The following PLEKHA1 variants were observed in gnomAD, a reference collection of about 807,000 sequenced individuals.
PLEKHA1 encodes the protein pleckstrin homology domain-containing family A member 1.
A neutral mutation model predicts 52.0 loss-of-function variants in PLEKHA1; 34 were observed. The observed-to-expected ratio is 0.65, with a 90% confidence interval of 0.50 to 0.87. The LOEUF is 0.87. Ranked by LOEUF, PLEKHA1 falls within the 40% of genes least tolerant of loss-of-function variation. PLEKHA1 has a pLI of 0.00. For missense variants in PLEKHA1, 497 were observed against 504.2 expected, an observed-to-expected ratio of 0.99 and a Z score of 0.14; for synonymous variants, 163 against 170.7, an observed-to-expected ratio of 0.95 and a Z score of 0.35.
At chr10:122,422,866 G>A (rs1241191718) in intron 8 of PLEKHA1, 1 of 152,022 alleles carries the variant, frequency 6.6e-6, no homozygotes, top group African/African-American at 2.4e-5. Flanking sequence ...GTTTAGTAAA[G>A]GTACATCATA....
In PLEKHA1 at chr10:122,374,733, A is replaced by T. The variant is rs995637795; in HGVS notation, c.-94A>T. ...GCAGTGCGCGGGCTGGCCGTCGCGG[A>T]CGCCGCTCCGGGCAGCCGAGCCTCT... On this transcript the variant is annotated 5_prime_UTR_variant, in exon 1 of 12. Transcript: ENST00000368990. 5 of 151,536 alleles carry T rather than the reference A, an allele frequency of 3.3e-5. No homozygotes were observed. The highest frequency in any genetic ancestry group is 1.2e-4 in the African/African-American group (5 of 41,250). The allele number at this position is 151,536 out of a possible 1,614,324, so 9.4% of individuals were successfully genotyped here.
intron 5 of PLEKHA1, among the ~76,000 whole-genome samples, chr10:122,409,360 G>A (rs989990285): frequency 3.3e-5 from 5 of 152,166 alleles, no homozygotes; most frequent in African/African-American, 9.7e-5. Flanking sequence ...AATCAGCCCC[G>A]AAGGGGGAGT....
intron 10 of PLEKHA1, among the ~76,000 whole-genome samples, chr10:122,426,709 C>CG (rs1220329142): frequency 3.3e-5 from 5 of 152,178 alleles, no homozygotes; most frequent in Non-Finnish European, 4.4e-5. Flanking sequence ...TCATTATTGA[C>CG]GCCTGTTGAT....
the PLEKHA1 span, chr10:122,439,763 T>G: frequency 3.9e-5 from 6 of 152,096 alleles, no homozygotes; most frequent in Admixed American, 6.6e-5. Context: ...GTTGGTATTC[T>G]ATACTCCTTA....
In PLEKHA1 at chr10:122,406,677, A is replaced by C. The variant is rs2097020531; in HGVS notation, c.342+4A>C. ...AAACAAAGCTATAAAAATTACAGTA[A>C]GTATATGTATTTTTTTGAAAAACGT... is the stretch of plus-strand genomic sequence containing the variant. On this transcript the variant is annotated splice_donor_region_variant and intron_variant, in intron 5 of 11. Transcript: ENST00000368990. The C allele has an allele frequency of 6.3e-7, 1 of 1,586,788 alleles. No homozygotes were observed. Among genetic ancestry groups the C allele is most frequent in the Non-Finnish European group, 8.6e-7 (1 of 1,157,060 alleles).
At chr10:122,398,068 A>G (rs2096875135) in intron 3 of PLEKHA1, 94 bp downstream of exon 3, 2 of 985,904 alleles carry the variant, frequency 2.0e-6, no homozygotes, top group Non-Finnish European at 3.1e-6. Flanking sequence ...CATGTCCTTT[A>G]ACAGTGATGT....
At chr10:122,376,033 C>T (rs1227207336) in intron 1 of PLEKHA1, among the ~76,000 whole-genome samples, 3 of 152,050 alleles carry the variant, frequency 2.0e-5, no homozygotes, top group Non-Finnish European at 4.4e-5. Context: ...CTTTATTTTC[C>T]CAAGTACTCA....
chr10:122,384,276 G>C (rs539120531), intron 1 of PLEKHA1, among the ~76,000 whole-genome samples: 61 of 152,106 alleles, frequency 4.0e-4, no homozygotes, highest in Non-Finnish European at 7.8e-4. Context: ...TACTGGCTTT[G>C]ACTTTGCTTA....
chr10:122,421,031 A>G (rs2097253377), intron 8 of PLEKHA1: 2 of 152,244 alleles, frequency 1.3e-5, no homozygotes. Context: ...ATGTATGATG[A>G]GGAATGAAAT....
Position 122,424,250 on chromosome 10 carries a change from G to A in PLEKHA1, c.733G>A (p.Glu245Lys), listed in dbSNP as rs1303067486. 1 of 1,595,888 alleles carries A rather than the reference G, an allele frequency of 6.3e-7. No individual in the cohort carries two copies. The change falls in exon 9 of 12, where the codon GAA (glutamate) becomes AAA (lysine). Residue 245 changes from glutamate to lysine, a missense_variant. Transcript: ENST00000368990. Reference sequence around the variant, plus strand: ...ACTTAAAGAGGTTCATAAAGTCCAGGAATGTAAGCAAAGGTAAGGAACCGC... The same window carrying A: ...ACTTAAAGAGGTTCATAAAGTCCAGAAATGTAAGCAAAGGTAAGGAACCGC... The part of the protein sequence containing the change: ...IPLKEVHKVQ[E>K]CKQSDIMMRD...
intron 6 of PLEKHA1, among the ~76,000 whole-genome samples, chr10:122,414,875 T>C (rs926083147): frequency 6.7e-6 from 1 of 148,768 alleles, no homozygotes; most frequent in Non-Finnish European, 1.5e-5. Context: ...TGAAAAACAG[T>C]TTAGTGTTTA....
At chr10:122,442,126 C>T in the PLEKHA1 span, 2 of 152,232 alleles carry the variant, frequency 1.3e-5, no homozygotes, top group Non-Finnish European at 2.9e-5. Context: ...TCGTGAGCTC[C>T]TCATTACCTT....
chr10:122,403,275 T>G (rs916584093), intron 4 of PLEKHA1, among the ~76,000 whole-genome samples: 13 of 152,206 alleles, frequency 8.5e-5, no homozygotes, highest in Non-Finnish European at 1.3e-4. Flanking sequence ...TGATAGAGAC[T>G]GAGAGGACAG....
intron 2 of PLEKHA1, 48 bp from the exon 3 acceptor site, chr10:122,397,870 G>T: frequency 7.5e-7 from 1 of 1,331,302 alleles, no homozygotes. Context: ...ATTATAAAAT[G>T]AATTCATAAT....
intron 1 of PLEKHA1, among the ~76,000 whole-genome samples, chr10:122,376,425 G>A (rs1386982939): frequency 6.6e-6 from 1 of 150,932 alleles, no homozygotes; most frequent in Non-Finnish European, 1.5e-5. Context: ...ACCTTACACT[G>A]TATCTACTGA....
chr10:122,405,705 A>G (rs1392369207), intron 4 of PLEKHA1, among the ~76,000 whole-genome samples: 1 of 152,038 alleles, frequency 6.6e-6, no homozygotes, highest in Non-Finnish European at 1.5e-5. Flanking sequence ...TGAAGCAACT[A>G]CTACTCAAGG....
At chr10:122,433,041 T>G (rs1161234977), downstream of PLEKHA1, 6 of 152,192 alleles carry the variant, frequency 3.9e-5, no homozygotes, top group African/African-American at 1.4e-4. Flanking sequence ...AGATACCTTC[T>G]TTTGCTTGTT....
chr10:122,404,632 C>T (rs1241850002), intron 4 of PLEKHA1, among the ~76,000 whole-genome samples: 1 of 152,160 alleles, frequency 6.6e-6, no homozygotes, highest in African/African-American at 2.4e-5. Flanking sequence ...ATATAGCATC[C>T]TAGTGAATTA....
chr10:122,407,612 T>G (rs764545247), intron 5 of PLEKHA1, among the ~76,000 whole-genome samples: 1 of 152,224 alleles, frequency 6.6e-6, no homozygotes, highest in African/African-American at 2.4e-5. Flanking sequence ...CTAGTGATGA[T>G]GAGCAGCACG....
Sources: allele counts gnomAD v4.1 joint callset (sites outside exome capture counted in the v4.1 genomes callset), GRCh38; gene constraint gnomAD v4.1.1; transcripts MANE v1.5; gene names NCBI Gene and HGNC (gene_info 2026-07-23, HGNC 2026-07-21).